Variants in NAA16 observed in about 807,000 individuals in gnomAD.
The protein encoded by NAA16 is NARG1-like protein.
A neutral mutation model predicts 110.3 loss-of-function variants in NAA16; 97 were observed. The ratio of observed to expected loss-of-function variants is 0.88; its 90% CI spans 0.75 to 1.04. NAA16 has a LOEUF of 1.04. NAA16 is among the 50% of genes least tolerant of loss of function. The pLI is 0.00. For missense variants in NAA16, 1,017 were observed against 1,005.1 expected, an observed-to-expected ratio of 1.01 and a Z score of -0.16; for synonymous variants, 372 against 330.6, an observed-to-expected ratio of 1.13 and a Z score of -1.36.
chr13:41,364,042 C>A (rs530925093), intron 13 of NAA16, among the ~76,000 whole-genome samples: 3 of 150,408 alleles, frequency 2.0e-5, no homozygotes, highest in African/African-American at 7.3e-5. Flanking sequence ...ATTTTCTAAT[C>A]TAAAATTCTT....
Position 41,311,542 on chromosome 13 carries a change from T to C in NAA16, c.14T>C (p.Leu5Pro). Residue 5 changes from leucine (L) to proline (P), a missense_variant, in exon 1 of 20, where the codon CTG (leucine) becomes CCG (proline). Physicochemically the swap from Leu to Pro is moderately conservative, Grantham distance 98. Coordinates refer to ENST00000379406, the MANE Select transcript of NAA16 (RefSeq NM_024561.5). MPNV[L>P]LPPKESNLFK... is the part of the protein sequence containing the mutation. ...CTGCCGGCCACGATGCCGAACGTGC[T>C]GCTGCCGCCCAAGGAGAGCAACCTC... The C allele has an allele frequency of 6.2e-7, 1 of 1,607,124 alleles. No individual in the cohort carries two copies. The highest frequency in any genetic ancestry group is 1.3e-5 in the African/African-American group (1 of 74,898).
At chr13:41,321,346 A>C (rs2041942105) in intron 4 of NAA16, among the ~76,000 whole-genome samples, 1 of 152,194 alleles carries the variant, frequency 6.6e-6, no homozygotes, top group Non-Finnish European at 1.5e-5. Context: ...TAATTCATTA[A>C]TTATTTAAAA....
In NAA16 at chr13:41,362,165, T is replaced by A. The variant is rs781364373; in HGVS notation, c.1539+6T>A. On this transcript the variant is annotated splice_donor_region_variant and intron_variant, in intron 13 of 19. Coordinates refer to ENST00000379406, the MANE Select transcript of NAA16 (RefSeq NM_024561.5). ...AATGTCATGAAGTAGAAAGGGTAAG[T>A]TGTTAGAATTTCGACTTCAGTTTTC... The A allele has an allele frequency of 1.3e-5, 20 of 1,589,034 alleles. No individual in the cohort carries two copies. The highest frequency in any genetic ancestry group is 1.6e-5 in the Non-Finnish European group (19 of 1,171,782).
rs758294190 is a variant in NAA16 at position 41,320,671 on chromosome 13, G to A, written c.249G>A (p.Trp83Ter). 6.2e-7 allele frequency: 1 copy of A among 1,600,522 alleles called. No individual in the cohort carries two copies. Among genetic ancestry groups the A allele is most frequent in the South Asian group, 1.1e-5 (1 of 88,514 alleles). ...LRNDVKSHVCWHVYGLLQRSD... is the reference protein window; with the variant it reads ...LRNDVKSHVC ...TTTGTTTCCTTAACTTAATAGGTTGGCATGTATATGGACTCTTGCAGCGTT... is the reference window on the plus strand; with the variant it reads ...TTTGTTTCCTTAACTTAATAGGTTGACATGTATATGGACTCTTGCAGCGTT... The change falls in exon 4 of 20, where the codon TGG becomes TGA. Residue 83 changes from tryptophan to a stop codon, truncating the protein, a stop_gained. Coordinates refer to ENST00000379406, the MANE Select transcript of NAA16 (RefSeq NM_024561.5). LOFTEE classifies it high-confidence loss of function.
At chr13:41,374,005 G>A (rs529445403) in intron 18 of NAA16, 7 of 513,076 alleles carry the variant, frequency 1.4e-5, no homozygotes, top group South Asian at 1.1e-4. Context: ...TTGTGATAAC[G>A]GGCAAATACT....
In NAA16 at chr13:41,369,013, T is replaced by G. The variant is rs559771952; in HGVS notation, c.1754-77T>G. 9.4e-6 allele frequency: 12 copies of G among 1,283,120 alleles called. No homozygotes were observed. In the African/African-American group the frequency reaches 1.8e-4, roughly 19 times the overall value. The allele number at this position is 1,283,120 out of a possible 1,614,324, so 79.5% of individuals were successfully genotyped here. A position where few individuals can be genotyped will look rare whatever the true frequency, so the allele number is the denominator to read the frequency against. On this transcript the variant is annotated intron_variant, in intron 14 of 19. Coordinates refer to ENST00000379406, the MANE Select transcript of NAA16 (RefSeq NM_024561.5). Reference sequence around the variant, plus strand: ...CACTGATACCAAGGGACAACCATACTAACAGTATGTATTACAGAAGAATAT... The same window carrying G: ...CACTGATACCAAGGGACAACCATACGAACAGTATGTATTACAGAAGAATAT...
chr13:41,376,482 T>C lies in NAA16; in HGVS notation c.*880T>C, dbSNP rs2043428732. On this transcript the variant is annotated 3_prime_UTR_variant, in exon 20 of 20. Transcript: ENST00000379406. ...TGAAGGCTGGTTTGCCTGTCAGTCA[T>C]GGAAATTCACTGGTAAAATTGTTGA... 6.6e-6 allele frequency: 1 copy of C among 152,238 alleles called. No individual in the cohort carries two copies. The highest frequency in any genetic ancestry group is 2.4e-5 in the African/African-American group (1 of 41,460). The allele number at this position is 152,238 out of a possible 1,614,324, so 9.4% of individuals were successfully genotyped here.
At position 41,311,523 on chromosome 13, in the gene NAA16, G is replaced by C. The variant is rs781346918; in HGVS notation, c.-6G>C. ...TGCCGGCCACCTAGCCTCCCTGCCG[G>C]CCACGATGCCGAACGTGCTGCTGCC... is the stretch of plus-strand genomic sequence containing the variant. On this transcript the variant is annotated 5_prime_UTR_variant, in exon 1 of 20. Coordinates refer to ENST00000379406, the MANE Select transcript of NAA16 (RefSeq NM_024561.5). 3 of 1,601,200 alleles carry C rather than the reference G, an allele frequency of 1.9e-6. No individual in the cohort carries two copies. Among genetic ancestry groups the C allele is most frequent in the Non-Finnish European group, 2.6e-6 (3 of 1,174,494 alleles).
intron 1 of NAA16, among the ~76,000 whole-genome samples, chr13:41,316,352 G>T (rs551776321): frequency 1.3e-5 from 2 of 150,440 alleles, no homozygotes; most frequent in South Asian, 4.2e-4. Flanking sequence ...TGTTTCCCAG[G>T]CTGGAGTGCA....
intron 1 of NAA16, among the ~76,000 whole-genome samples, chr13:41,312,239 G>C (rs1012793414): frequency 3.3e-5 from 5 of 152,222 alleles, no homozygotes; most frequent in African/African-American, 1.2e-4. Context: ...CAAAACAGCT[G>C]TTTGCTTTTT....
rs2043416911 is a variant in NAA16, at chr13:41,375,729, G to C, written c.*127G>C. ...TTAGGATTTTTAAATGGCATATTCT[G>C]TAAGCTTATTTTGTTCTTTACCCGA... On this transcript the variant is annotated 3_prime_UTR_variant, in exon 20 of 20. Coordinates refer to ENST00000379406, the MANE Select transcript of NAA16 (RefSeq NM_024561.5). The C allele has an allele frequency of 2.9e-6, 2 of 685,100 alleles. No individual in the cohort carries two copies. Among genetic ancestry groups the C allele is most frequent in the Admixed American group, 3.2e-5 (1 of 30,902 alleles). 42.4% of individuals were successfully genotyped at this position (685,100 alleles called of 1,614,324 possible).
At chr13:41,324,372 T>C (rs897490875) in intron 5 of NAA16, among the ~76,000 whole-genome samples, 24 of 127,806 alleles carry the variant, frequency 1.9e-4, no homozygotes, top group South Asian at 8.2e-4. Flanking sequence ...TCTTTTTTTT[T>C]TTTTTTTTTT....
At chr13:41,335,985 A>T (rs1355822085) in intron 8 of NAA16, among the ~76,000 whole-genome samples, 1 of 152,136 alleles carries the variant, frequency 6.6e-6, no homozygotes, top group African/African-American at 2.4e-5. Context: ...TGCTTTCAAA[A>T]GGTGATGACA....
chr13:41,336,860 C>A, intron 9 of NAA16, 104 bp downstream of exon 9: 1 of 601,576 alleles, frequency 1.7e-6, no homozygotes, highest in Non-Finnish European at 2.8e-6. Flanking sequence ...TTCTTTGTTT[C>A]AGTAATGTTA....
chr13:41,344,049 T>G (rs140466485), intron 9 of NAA16, among the ~76,000 whole-genome samples: 217 of 152,356 alleles, frequency 1.4e-3, no homozygotes, highest in African/African-American at 4.9e-3. Flanking sequence ...ACATAACCTT[T>G]TAGAACCATC....
Position 41,358,951 on chromosome 13 carries a change from A to G in NAA16, c.1399A>G (p.Lys467Glu). The change falls in exon 12 of 20, where the codon AAG (lysine) becomes GAG (glutamate). Residue 467 changes from lysine to glutamate, a missense_variant. By Grantham distance (56) the Lys-to-Glu change is moderately conservative. Coordinates refer to ENST00000379406, the MANE Select transcript of NAA16 (RefSeq NM_024561.5). Reference sequence around the variant, plus strand: ...AAAAGAAGCAGAGGAAATGTGCTCCAAGTTCACAAGGGTAGGAAATAGCAT... The same window carrying G: ...AAAAGAAGCAGAGGAAATGTGCTCCGAGTTCACAAGGGTAGGAAATAGCAT... Reference protein sequence around the residue: ...MIKEAEEMCSKFTREGTSAME... With the variant: ...MIKEAEEMCSEFTREGTSAME... The G allele has an allele frequency of 1.2e-6, 2 of 1,605,814 alleles. No individual in the cohort carries two copies. The highest frequency in any genetic ancestry group is 8.5e-7 in the Non-Finnish European group (1 of 1,174,406).
chr13:41,318,849 A>T lies in NAA16; in HGVS notation c.183A>T (p.Lys61Asn). ...MKGLTLNCLG[K>N]KEEAYEFVRK... ...GATTAACACTGAACTGTTTAGGAAA[A>T]AAAGAAGAAGCTTATGAGTTTGTTC... Residue 61 changes from lysine (K) to asparagine (N), a missense_variant, in exon 3 of 20, where the codon AAA becomes AAT. Coordinates refer to ENST00000379406, the MANE Select transcript of NAA16 (RefSeq NM_024561.5). 6.2e-7 allele frequency: 1 copy of T among 1,604,856 alleles called. No homozygotes were observed. Among genetic ancestry groups the T allele is most frequent in the Non-Finnish European group, 8.5e-7 (1 of 1,176,032 alleles).
rs182651146 is a variant in NAA16, at chr13:41,367,930, G to A, written c.1753+278G>A. ...ACCAATTTAAGAACTGGGTATGGTGGTTCACGCCTGTAATCACAGCATTTT... is the reference window on the plus strand; with the variant it reads ...ACCAATTTAAGAACTGGGTATGGTGATTCACGCCTGTAATCACAGCATTTT... On this transcript the variant is annotated intron_variant, in intron 14 of 19. Coordinates refer to ENST00000379406, the MANE Select transcript of NAA16 (RefSeq NM_024561.5). Among the ~76,000 whole-genome samples the A allele has an allele frequency of 8.1e-3, 1,232 of 152,216 alleles. 19 individuals carry two copies. Among genetic ancestry groups the A allele is most frequent in the Non-Finnish European group, 8.6e-3 (587 of 68,016 alleles).
At chr13:41,342,157 A>G (rs2042568363) in intron 9 of NAA16, among the ~76,000 whole-genome samples, 1 of 143,780 alleles carries the variant, frequency 7.0e-6, no homozygotes, top group African/African-American at 2.6e-5. Context: ...TTTTTTTTTG[A>G]GACAGAGTCT....
Sources: gnomAD v4.1 joint callset for allele counts (sites outside exome capture counted in the v4.1 genomes callset) on GRCh38, gnomAD v4.1.1 for gene constraint, MANE v1.5 for transcripts, NCBI Gene and HGNC (gene_info 2026-07-23, HGNC 2026-07-21) for gene names.